ABCC12: variants seen among roughly 807,000 people sequenced by gnomAD.
ABCC12 encodes the protein ATP-binding cassette sub-family C member 12.
ABCC12 carries 142 observed loss-of-function variants against 151.1 expected under a neutral mutation model. The observed-to-expected ratio is 0.94, with a 90% CI of 0.82 to 1.08. ABCC12 has a LOEUF of 1.08. Among genes scored for constraint, ABCC12 ranks in the 50% least tolerant of loss-of-function variants. ABCC12 has a pLI of 0.00. For missense variants in ABCC12, 1,638 were observed against 1,691.1 expected (o/e 0.97, Z 0.55); for synonymous variants, 645 against 646.4 (o/e 1.00, Z 0.03).
rs1325402467 is a variant in ABCC12 at position 48,104,332 on chromosome 16, G to C, written c.2710C>G (p.Pro904Ala). 6.2e-7 allele frequency: 1 copy of C among 1,614,250 alleles called. No homozygotes were observed. The highest frequency in any genetic ancestry group is 8.5e-7 in the Non-Finnish European group (1 of 1,180,042). The change falls in exon 22 of 31, where the codon CCC (proline) becomes GCC (alanine). Residue 904 changes from proline (P) to alanine (A), a missense_variant. Coordinates refer to ENST00000311303, the MANE Select transcript of ABCC12 (RefSeq NM_001393797.1). ...AAACGGTTCATTAGCCTGCCAGTGG[G>C]AGTCGTGTCAAAGAAACTCATTGGG... ...KSPMSFFDTT[P>A]TGRLMNRFSK...
At chr16:48,102,029 A>C (rs1301415535) in intron 22 of ABCC12, among the ~76,000 whole-genome samples, 1 of 152,186 alleles carries the variant, frequency 6.6e-6, no homozygotes, top group Non-Finnish European at 1.5e-5. Context: ...AGGCCAATTC[A>C]CGCTGACTTC....
chr16:48,155,782 ATGG>A (rs927559138), intron 1 of ABCC12, 56 bp downstream of exon 1: 1 of 152,316 alleles, frequency 6.6e-6, no homozygotes, highest in African/African-American at 2.4e-5. Context: ...TTGGGACTAA[ATGG>A]TGGCCACTAA....
At chr16:48,142,592 A>G (rs947299127) in intron 4 of ABCC12, among the ~76,000 whole-genome samples, 1 of 152,226 alleles carries the variant, frequency 6.6e-6, no homozygotes, top group African/African-American at 2.4e-5. Context: ...TTCGGGGCAC[A>G]GATGAGGAGA....
intron 27 of ABCC12, chr16:48,087,199 CCACT>C (rs1189365711): frequency 5.0e-6 from 1 of 201,398 alleles, no homozygotes; most frequent in Admixed American, 5.2e-5. Context: ...CCCAAATCTG[CCACT>C]CCATGTATCG....
intron 24 of ABCC12, among the ~76,000 whole-genome samples, chr16:48,091,643 A>G (rs1253417072): frequency 6.6e-6 from 1 of 152,184 alleles, no homozygotes; most frequent in Non-Finnish European, 1.5e-5. Flanking sequence ...CATCACCATG[A>G]GACCAGAAAA....
chr16:48,140,787 A>T lies in ABCC12; in HGVS notation c.557T>A (p.Ile186Asn). The change falls in exon 6 of 31, where the codon ATC becomes AAC. Residue 186 changes from isoleucine to asparagine, a missense_variant. Coordinates refer to ENST00000311303, the MANE Select transcript of ABCC12 (RefSeq NM_001393797.1). ...KVFFWALAWA[I>N]NYRTAIRLKV... Reference sequence around the variant, plus strand: ...CAACCGGATGGCCGTGCGGTAGTTGATGGCCCAGGCAAGGGCCCAAAAGAA... The same window carrying T: ...CAACCGGATGGCCGTGCGGTAGTTGTTGGCCCAGGCAAGGGCCCAAAAGAA... 1 of 1,614,218 alleles carries T rather than the reference A, an allele frequency of 6.2e-7. No individual in the cohort carries two copies.
chr16:48,090,837 A>G (rs563055491), intron 25 of ABCC12, among the ~76,000 whole-genome samples: 2 of 152,100 alleles, frequency 1.3e-5, no homozygotes, highest in South Asian at 4.2e-4. Flanking sequence ...TAGTCTCCCG[A>G]GTAGCTGGGA....
chr16:48,101,996 A>G (rs1204311115), intron 22 of ABCC12, among the ~76,000 whole-genome samples: 1 of 152,176 alleles, frequency 6.6e-6, no homozygotes, highest in African/African-American at 2.4e-5. Context: ...ACAGGAGAAG[A>G]GGGTCTGGAG....
chr16:48,140,971 G>GA, intron 5 of ABCC12, 51 bp from the exon 6 acceptor site: 1 of 1,532,354 alleles, frequency 6.5e-7, no homozygotes, highest in Non-Finnish European at 9.0e-7. Flanking sequence ...GGCTGAGGCT[G>GA]GCATAGGAGG....
chr16:48,126,337 T>C (rs1488663693), intron 11 of ABCC12, among the ~76,000 whole-genome samples: 1 of 152,146 alleles, frequency 6.6e-6, no homozygotes, highest in Non-Finnish European at 1.5e-5. Context: ...GCCTGTATCC[T>C]CTGATGATTC....
chr16:48,141,638 T>C (rs540219348), intron 4 of ABCC12, among the ~76,000 whole-genome samples: 10 of 152,288 alleles, frequency 6.6e-5, no homozygotes, highest in Non-Finnish European at 1.3e-4. Flanking sequence ...TCAGCTCTTA[T>C]AAGAAGGCAG....
At chr16:48,102,585 A>G (rs534931611) in intron 22 of ABCC12, among the ~76,000 whole-genome samples, 2 of 152,210 alleles carry the variant, frequency 1.3e-5, no homozygotes, top group South Asian at 4.1e-4. Flanking sequence ...GACAGCAGCA[A>G]GAGTCCAGCT....
Position 48,139,185 on chromosome 16 carries a change from T to A in ABCC12, c.809A>T (p.Tyr270Phe), listed in dbSNP as rs369082394. ...TACCTGGACGGGTATGAATATGACA[T>A]ACACTGATATCCCGATGAGAGCTGT... Reference protein sequence around the residue: ...GPTALIGISVYVIFIPVQMFM... With the variant: ...GPTALIGISVFVIFIPVQMFM... The change falls in exon 7 of 31, where the codon TAT becomes TTT. Residue 270 changes from tyrosine (Y) to phenylalanine (F), a missense_variant. Physicochemically the swap from Tyr to Phe is conservative, Grantham distance 22. Coordinates refer to ENST00000311303, the MANE Select transcript of ABCC12 (RefSeq NM_001393797.1). The A allele has an allele frequency of 6.2e-7, 1 of 1,610,326 alleles. No homozygotes were observed. The highest frequency in any genetic ancestry group is 1.1e-5 in the South Asian group (1 of 90,308).
chr16:48,091,056 C>T, intron 25 of ABCC12, 64 bp downstream of exon 25: 1 of 1,478,088 alleles, frequency 6.8e-7, no homozygotes, highest in Non-Finnish European at 9.5e-7. Context: ...TAAAAAGATC[C>T]AGTATTTGCC....
chr16:48,105,163 AGAG>A lies in ABCC12; in HGVS notation c.2646_2648del (p.Ser883del), dbSNP rs1325010838. ...CCTTATCAAACACCGTGTCATGCAG[AGAG>A]GAGGATGCCATCAGTGTGGTCTTGG... On this transcript the variant is annotated inframe_deletion, in exon 21 of 31. Transcript: ENST00000311303. The A allele has an allele frequency of 4.3e-6, 7 of 1,614,140 alleles. No homozygotes were observed. The highest frequency in any genetic ancestry group is 4.5e-5 in the East Asian group (2 of 44,866).
chr16:48,117,161 A>T, intron 14 of ABCC12, 100 bp downstream of exon 14: 2 of 1,143,788 alleles, frequency 1.7e-6, no homozygotes, highest in Non-Finnish European at 2.5e-6. Flanking sequence ...TCCTTGGGGC[A>T]TCTGGATGTG....
intron 9 of ABCC12, 122 bp from the exon 10 acceptor site, chr16:48,131,017 A>C: frequency 1.5e-6 from 1 of 663,354 alleles, no homozygotes; most frequent in Non-Finnish European, 2.6e-6. Flanking sequence ...GAATGTGCAG[A>C]GGAACAATCT....
At chr16:48,099,789 AAGAGCCCC>A (rs1307570651) in intron 23 of ABCC12, among the ~76,000 whole-genome samples, 2 of 152,188 alleles carry the variant, frequency 1.3e-5, no homozygotes, top group African/African-American at 4.8e-5. Context: ...CTTGGGACAG[AAGAGCCCC>A]AGATAGAAAC....
Position 48,121,731 on chromosome 16 carries a change from T to C in ABCC12, c.1697A>G (p.Lys566Arg). The C allele has an allele frequency of 6.2e-7, 1 of 1,614,210 alleles. No homozygotes were observed. The highest frequency in any genetic ancestry group is 8.5e-7 in the Non-Finnish European group (1 of 1,180,028). The part of the protein sequence containing the change: ...NVRENILFGE[K>R]YDHQRYQHTV... Reference sequence around the variant, plus strand: ...TTAATATTACCTTTGGTGATCATACTTTTCTCCAAAGAGTATGTTTTCTCT... The same window carrying C: ...TTAATATTACCTTTGGTGATCATACCTTTCTCCAAAGAGTATGTTTTCTCT... The change falls in exon 13 of 31, where the codon AAG (lysine) becomes AGG (arginine). Residue 566 changes from lysine to arginine, a missense_variant. Physicochemically the swap from Lys to Arg is conservative, Grantham distance 26. Transcript: ENST00000311303.
Sources: gnomAD v4.1 joint callset for allele counts (sites outside exome capture counted in the v4.1 genomes callset) on GRCh38, gnomAD v4.1.1 for gene constraint, MANE v1.5 for transcripts, NCBI Gene and HGNC (gene_info 2026-07-23, HGNC 2026-07-21) for gene names.